Variants in FAM184A observed in about 807,000 individuals in gnomAD.
The protein encoded by FAM184A is family with sequence similarity 184 member A.
A neutral mutation model predicts 143.8 loss-of-function variants in FAM184A; 99 were observed. That is an observed-to-expected ratio of 0.69 (90% CI 0.58 to 0.81). The LOEUF (loss-of-function observed/expected upper bound fraction) is 0.81. Ranked by LOEUF, FAM184A falls within the 40% of genes least tolerant of loss-of-function variation. The pLI, the probability that FAM184A is intolerant of heterozygous loss-of-function variation, is 0.00. For missense variants in FAM184A, 1,217 were observed against 1,310.5 expected (o/e 0.93, Z 1.10); for synonymous variants, 427 against 446.4 (o/e 0.96, Z 0.55).
chr6:118,976,905 T>A (rs917646570), intron 11 of FAM184A, among the ~76,000 whole-genome samples: 6 of 152,018 alleles, frequency 3.9e-5, no homozygotes, highest in Non-Finnish European at 8.8e-5. Flanking sequence ...CAACATCAAA[T>A]GTTGGTGAGG....
At chr6:119,047,052 T>TAA (rs11403322) in intron 1 of FAM184A, among the ~76,000 whole-genome samples, 87 of 151,900 alleles carry the variant, frequency 5.7e-4, no homozygotes, top group East Asian at 1.2e-3. Context: ...AATAATCTGA[T>TAA]AAAAAAATGG....
intron 1 of FAM184A, among the ~76,000 whole-genome samples, chr6:119,138,058 C>T (rs1033588178): frequency 3.3e-5 from 5 of 152,132 alleles, no homozygotes; most frequent in African/African-American, 1.2e-4. Flanking sequence ...TTCTTTTATG[C>T]CATGAGTGTG....
chr6:119,101,016 T>C (rs1382789522), intron 1 of FAM184A, among the ~76,000 whole-genome samples: 2 of 151,560 alleles, frequency 1.3e-5, no homozygotes, highest in Admixed American at 1.3e-4. Flanking sequence ...TTTTATAGGC[T>C]CTATGAAAAT....
intron 1 of FAM184A, among the ~76,000 whole-genome samples, chr6:119,066,447 G>A (rs706979): frequency 6.6e-6 from 1 of 152,110 alleles, no homozygotes; most frequent in Non-Finnish European, 1.5e-5. Context: ...ATCTGCTAAT[G>A]CTAATGTCAG....
At position 118,966,727 on chromosome 6, in the gene FAM184A, C is replaced by G. The variant is rs1035536593; in HGVS notation, c.3033+108G>C. The G allele has an allele frequency of 1.6e-5, 8 of 515,920 alleles. No homozygotes were observed. In the African/African-American group the frequency reaches 1.6e-4, roughly 10 times the overall value. 32.0% of individuals were successfully genotyped at this position (515,920 alleles called of 1,614,324 possible). A position where few individuals can be genotyped will look rare whatever the true frequency, so the allele number is the denominator to read the frequency against. On this transcript the variant is annotated intron_variant, in intron 15 of 17. Coordinates refer to ENST00000338891, the MANE Select transcript of FAM184A (RefSeq NM_024581.6). Reference sequence around the variant, plus strand: ...AACTTTCAATCACAATGCACATGTTCTGTGTTTTCTATTTTCACTTAGCAT... The same window carrying G: ...AACTTTCAATCACAATGCACATGTTGTGTGTTTTCTATTTTCACTTAGCAT...
At chr6:119,026,991 G>A (rs1785657374) in intron 1 of FAM184A, among the ~76,000 whole-genome samples, 1 of 152,048 alleles carries the variant, frequency 6.6e-6, no homozygotes, top group Non-Finnish European at 1.5e-5. Context: ...TCTGAAGCCT[G>A]CTACCTGGAG....
intron 1 of FAM184A, among the ~76,000 whole-genome samples, chr6:119,062,386 T>G (rs1199832213): frequency 6.6e-6 from 1 of 151,902 alleles, no homozygotes; most frequent in African/African-American, 2.4e-5. Flanking sequence ...AGTTTTGTCC[T>G]GGCATGGTGG....
intron 11 of FAM184A, among the ~76,000 whole-genome samples, chr6:118,977,756 G>A (rs911258533): frequency 2.0e-5 from 3 of 152,112 alleles, no homozygotes; most frequent in Non-Finnish European, 4.4e-5. Context: ...ATGGTAATGG[G>A]AATGTTCTGA....
intron 1 of FAM184A, among the ~76,000 whole-genome samples, chr6:119,029,985 G>C (rs981485383): frequency 6.6e-6 from 1 of 152,068 alleles, no homozygotes; most frequent in African/African-American, 2.4e-5. Flanking sequence ...AAAATTGGCA[G>C]CCACAAATAA....
chr6:119,079,526 C>T (rs917821869), upstream of FAM184A, among the ~76,000 whole-genome samples: 4 of 152,152 alleles, frequency 2.6e-5, no homozygotes, highest in African/African-American at 9.7e-5. Context: ...ACATCTCTAC[C>T]CCTGCAAGTC....
At chr6:118,996,005 T>C (rs985135590) in intron 9 of FAM184A, among the ~76,000 whole-genome samples, 2 of 152,180 alleles carry the variant, frequency 1.3e-5, no homozygotes, top group Non-Finnish European at 2.9e-5. Context: ...TAACGCACAC[T>C]CTCTTTTAAA....
chr6:119,102,620 T>A (rs1217543904), intron 1 of FAM184A, among the ~76,000 whole-genome samples: 1 of 151,212 alleles, frequency 6.6e-6, no homozygotes, highest in Non-Finnish European at 1.5e-5. Flanking sequence ...AAGCCCCGTC[T>A]CTACTAAAAA....
chr6:119,113,561 C>T (rs1241277260), intron 1 of FAM184A, among the ~76,000 whole-genome samples: 1 of 151,984 alleles, frequency 6.6e-6, no homozygotes, highest in African/African-American at 2.4e-5. Context: ...TCCAAGGTTT[C>T]AGTTACCTGA....
In FAM184A at chr6:118,961,865, G is replaced by T. The variant is rs1048024751; in HGVS notation, c.3237C>A (p.Asn1079Lys). ...GAGAATTAGGAATGGGATCCAGGCG[G>T]TTAGGATGTCCATTGCCCACTCCAC... ...ESGGVGNGHP[N>K]RLDPIPNSPV... The change falls in exon 17 of 18, where the codon AAC becomes AAA. Residue 1079 changes from asparagine to lysine, a missense_variant. By Grantham distance (94) the Asn-to-Lys change is moderately conservative. Coordinates refer to ENST00000338891, the MANE Select transcript of FAM184A (RefSeq NM_024581.6). The T allele has an allele frequency of 1.2e-6, 2 of 1,613,896 alleles. No individual in the cohort carries two copies. The highest frequency in any genetic ancestry group is 1.7e-6 in the Non-Finnish European group (2 of 1,179,866).
chr6:119,012,109 C>T lies in FAM184A; in HGVS notation c.1531-678G>A, dbSNP rs145018878. On this transcript the variant is annotated intron_variant, in intron 5 of 17. Transcript: ENST00000338891. Reference sequence around the variant, plus strand: ...CTTTAGAGAGAAAGCAATTCCTAAGCATGGTTTGAAGGAAGAAAAGGTGAT... The same window carrying T: ...CTTTAGAGAGAAAGCAATTCCTAAGTATGGTTTGAAGGAAGAAAAGGTGAT... Among the ~76,000 whole-genome samples the T allele has an allele frequency of 4.6e-5, 7 of 152,168 alleles. No individual in the cohort carries two copies. In the East Asian group the frequency reaches 1.4e-3, roughly 29 times the overall value.
chr6:119,083,496 A>G (rs990440222), upstream of FAM184A, among the ~76,000 whole-genome samples: 2 of 152,186 alleles, frequency 1.3e-5, no homozygotes, highest in African/African-American at 2.4e-5. Context: ...ATATGACTGT[A>G]TGCTTTCAGA....
intron 1 of FAM184A, among the ~76,000 whole-genome samples, chr6:119,108,128 A>AGTGTGTATGT (rs1788836976): frequency 6.8e-6 from 1 of 147,266 alleles, no homozygotes; most frequent in South Asian, 2.2e-4. Flanking sequence ...AGCACTTGTT[A>AGTGTGTATGT]GTGTGTGTGT....
intron 1 of FAM184A, among the ~76,000 whole-genome samples, chr6:119,042,950 A>G (rs779714998): frequency 3.9e-5 from 6 of 152,150 alleles, no homozygotes; most frequent in South Asian, 2.1e-4. Context: ...ATCCTGAACA[A>G]TGTGTCCCGA....
intron 1 of FAM184A, among the ~76,000 whole-genome samples, chr6:119,126,106 A>G (rs542410177): frequency 2.6e-4 from 40 of 152,272 alleles, no homozygotes; most frequent in African/African-American, 9.1e-4. Flanking sequence ...GGGTCATCCA[A>G]AGTTATTCAG....
Sources: allele counts gnomAD v4.1 joint callset (sites outside exome capture counted in the v4.1 genomes callset), GRCh38; gene constraint gnomAD v4.1.1; transcripts MANE v1.5; gene names NCBI Gene and HGNC (gene_info 2026-07-23, HGNC 2026-07-21).